FOXN3: variants seen among roughly 807,000 people sequenced by gnomAD.
The protein encoded by FOXN3 is forkhead box N3.
A neutral mutation model predicts 38.4 loss-of-function variants in FOXN3; 7 were observed. That is an observed-to-expected ratio of 0.18 (90% confidence interval 0.10 to 0.34). The LOEUF (loss-of-function observed/expected upper bound fraction) is 0.34. Among genes scored for constraint, FOXN3 ranks in the 10% least tolerant of loss-of-function variants. The probability of loss-of-function intolerance (pLI) is 1.00; values close to 1 mark genes in which losing one functional copy is unlikely to be tolerated. For synonymous variants in FOXN3, 230 were observed against 242.2 expected, an observed-to-expected ratio of 0.95 and a Z score of 0.47; for missense variants, 456 against 613.4, an observed-to-expected ratio of 0.74 and a Z score of 2.71.
At chr14:89,297,805 C>T (rs985028945) in intron 3 of FOXN3, among the ~76,000 whole-genome samples, 4 of 151,922 alleles carry the variant, frequency 2.6e-5, no homozygotes, top group Non-Finnish European at 5.9e-5. Flanking sequence ...TAGCAAGACC[C>T]TGATTCTACA....
chr14:89,444,492 T>C (rs1052525752), intron 1 of FOXN3, among the ~76,000 whole-genome samples: 14 of 152,018 alleles, frequency 9.2e-5, no homozygotes, highest in Admixed American at 1.3e-4. Flanking sequence ...TATAGGTTTA[T>C]AAGGTGTAAT....
Position 89,267,696 on chromosome 14 carries a change from A to G in FOXN3, c.745+13254T>C, listed in dbSNP as rs542145388. On this transcript the variant is annotated intron_variant, in intron 4 of 5. Transcript: ENST00000557258. ...CCAACTTAATTTTTAAAATTAAGAC[A>G]CCTCTAATGAGACTCAAAATTGTTC... 2.1e-3 allele frequency among the ~76,000 whole-genome samples: 316 copies of G among 152,332 alleles called. 1 individual carries two copies. Among genetic ancestry groups the G allele is most frequent in the African/African-American group, 7.1e-3 (296 of 41,574 alleles).
At chr14:89,318,781 A>T (rs1456974286) in intron 3 of FOXN3, among the ~76,000 whole-genome samples, 2 of 152,204 alleles carry the variant, frequency 1.3e-5, no homozygotes, top group Non-Finnish European at 2.9e-5. Flanking sequence ...TGACCACTCA[A>T]ATCCGGGTTC....
intron 4 of FOXN3, among the ~76,000 whole-genome samples, chr14:89,192,314 T>C (rs919152070): frequency 5.5e-5 from 8 of 146,222 alleles, no homozygotes; most frequent in Non-Finnish European, 1.0e-4. Flanking sequence ...TACTATTATA[T>C]ATGATCATTA....
chr14:89,443,695 T>G (rs1892434857), intron 1 of FOXN3, among the ~76,000 whole-genome samples: 1 of 152,132 alleles, frequency 6.6e-6, no homozygotes, highest in African/African-American at 2.4e-5. Flanking sequence ...CTCATGGGAC[T>G]GTCAGGAAAG....
At chr14:89,227,310 T>C (rs1884670530) in intron 4 of FOXN3, among the ~76,000 whole-genome samples, 2 of 152,194 alleles carry the variant, frequency 1.3e-5, no homozygotes, top group Admixed American at 1.3e-4. Flanking sequence ...GAGGCTGCAA[T>C]ATTGACATAA....
chr14:89,463,084 A>G (rs1257029135), intron 1 of FOXN3, among the ~76,000 whole-genome samples: 1 of 149,576 alleles, frequency 6.7e-6, no homozygotes, highest in African/African-American at 2.5e-5. Context: ...AGGTCAGGAG[A>G]TTGAGAAGAT....
At chr14:89,528,273 C>T (rs1894471567) in intron 1 of FOXN3, among the ~76,000 whole-genome samples, 1 of 143,100 alleles carries the variant, frequency 7.0e-6, no homozygotes, top group Non-Finnish European at 1.5e-5. Flanking sequence ...AAATGTTCTT[C>T]AAAAGGTAAA....
chr14:89,427,207 C>T (rs532199686), intron 1 of FOXN3, among the ~76,000 whole-genome samples: 6 of 131,242 alleles, frequency 4.6e-5, no homozygotes. Flanking sequence ...CCAGCCTGGT[C>T]GACAGAGTGA....
At chr14:89,322,442 C>G (rs1233776128) in intron 3 of FOXN3, among the ~76,000 whole-genome samples, 2 of 152,110 alleles carry the variant, frequency 1.3e-5, no homozygotes, top group African/African-American at 4.8e-5. Context: ...AACTTGGAGT[C>G]TACTGAGAAG....
chr14:89,581,793 C>T lies in FOXN3; in HGVS notation c.-15+37235G>A, dbSNP rs80114209. Reference sequence around the variant, plus strand: ...TAGAGTCAGAGAAGCCTAGCAGCCCCGCACAATCCCCCATCATTCACACTG... The same window carrying T: ...TAGAGTCAGAGAAGCCTAGCAGCCCTGCACAATCCCCCATCATTCACACTG... On this transcript the variant is annotated intron_variant, in intron 1 of 6. Coordinates refer to the FOXN3 transcript ENST00000345097. Among the ~76,000 whole-genome samples, 13 of 152,282 alleles carry T rather than the reference C, an allele frequency of 8.5e-5. No individual in the cohort carries two copies. The East Asian group carries it at 2.3e-3, about 27-fold the overall frequency.
intron 2 of FOXN3, among the ~76,000 whole-genome samples, chr14:89,375,106 A>G (rs1448782216): frequency 6.6e-6 from 1 of 152,190 alleles, no homozygotes; most frequent in Non-Finnish European, 1.5e-5. Context: ...GTGGAGGGGT[A>G]GGAGATTGAC....
rs1887031180 is a variant in FOXN3, at chr14:89,158,617, T to G, written c.*3797A>C. ...CAGGGAAGTAGGAGCTTATGGTATA[T>G]TATAAGGCTGGGAAAAATCTATGAT... is the stretch of plus-strand genomic sequence containing the variant. On this transcript the variant is annotated 3_prime_UTR_variant, in exon 6 of 6. Transcript: ENST00000557258. The G allele has an allele frequency of 6.6e-6, 1 of 152,602 alleles. No homozygotes were observed. The highest frequency in any genetic ancestry group is 2.4e-5 in the African/African-American group (1 of 41,438). 9.5% of individuals were successfully genotyped at this position (152,602 alleles called of 1,614,324 possible).
At chr14:89,556,480 CA>C (rs1259045561) in intron 1 of FOXN3, among the ~76,000 whole-genome samples, 1 of 151,552 alleles carries the variant, frequency 6.6e-6, no homozygotes, top group Non-Finnish European at 1.5e-5. Context: ...ACTGGGTAGG[CA>C]GGGTATTGAG....
At chr14:89,215,869 G>A (rs1261092727) in intron 4 of FOXN3, among the ~76,000 whole-genome samples, 5 of 152,144 alleles carry the variant, frequency 3.3e-5, no homozygotes, top group Non-Finnish European at 7.3e-5. Flanking sequence ...GGCAGATGAC[G>A]GAATAATGAA....
At chr14:89,436,293 A>G (rs1468425529) in intron 1 of FOXN3, among the ~76,000 whole-genome samples, 1 of 151,406 alleles carries the variant, frequency 6.6e-6, no homozygotes, top group Non-Finnish European at 1.5e-5. Flanking sequence ...ATTCATTAAA[A>G]AAAAAAAAAA....
chr14:89,477,700 C>T (rs1893239964), intron 1 of FOXN3, among the ~76,000 whole-genome samples: 1 of 152,104 alleles, frequency 6.6e-6, no homozygotes, highest in Non-Finnish European at 1.5e-5. Context: ...TGGGCCAGAC[C>T]CAGAGCTTTC....
chr14:89,596,080 C>T (rs1243425793), intron 1 of FOXN3, among the ~76,000 whole-genome samples: 1 of 152,002 alleles, frequency 6.6e-6, no homozygotes, highest in Non-Finnish European at 1.5e-5. Context: ...TAATTTATTG[C>T]TAGATTCATA....
chr14:89,211,443 C>T (rs939120706), intron 4 of FOXN3, among the ~76,000 whole-genome samples: 1 of 152,176 alleles, frequency 6.6e-6, no homozygotes, highest in African/African-American at 2.4e-5. Flanking sequence ...ATCAACAGTA[C>T]CATGGCTTGC....
Sources: allele counts gnomAD v4.1 joint callset (sites outside exome capture counted in the v4.1 genomes callset), GRCh38; gene constraint gnomAD v4.1.1; transcripts MANE v1.5; gene names NCBI Gene and HGNC (gene_info 2026-07-23, HGNC 2026-07-21).